VPS13B: variants seen among roughly 807,000 people sequenced by gnomAD.
VPS13B encodes the protein intermembrane lipid transfer protein VPS13B.
VPS13B carries 285 observed loss-of-function variants against 426.4 expected under a neutral mutation model. That is an observed-to-expected ratio of 0.67 (90% CI 0.61 to 0.74). VPS13B has a LOEUF of 0.74. Ranked by LOEUF, VPS13B falls within the 30% of genes least tolerant of loss-of-function variation. The pLI, the probability that VPS13B is intolerant of heterozygous loss-of-function variation, is 0.00. For synonymous variants in VPS13B, 1,676 were observed against 1,676.4 expected (o/e 1.00, Z 0.01); for missense variants, 4,537 against 4,782.6 (o/e 0.95, Z 1.51).
chr8:99,084,979 G>T (rs1037141448), intron 3 of VPS13B, among the ~76,000 whole-genome samples: 2 of 145,858 alleles, frequency 1.4e-5, no homozygotes, highest in African/African-American at 5.2e-5. Context: ...TCTGCTTGGT[G>T]CAGAGTTGAG....
chr8:99,431,271 T>A (rs1056485210), intron 21 of VPS13B, among the ~76,000 whole-genome samples: 7 of 152,226 alleles, frequency 4.6e-5, no homozygotes, highest in African/African-American at 7.2e-5. Context: ...AGAACGTTAC[T>A]ATCACTTCAC....
At chr8:99,346,472 A>G (rs2133199764) in intron 19 of VPS13B, 1 of 152,232 alleles carries the variant, frequency 6.6e-6, no homozygotes, top group Admixed American at 6.5e-5. Context: ...TGACAACATT[A>G]CCTAAGGAGT....
At chr8:99,302,170 C>T (rs181480279) in intron 19 of VPS13B, among the ~76,000 whole-genome samples, 3 of 152,318 alleles carry the variant, frequency 2.0e-5, no homozygotes, top group Non-Finnish European at 4.4e-5. Flanking sequence ...CTGGCCCTTA[C>T]TTGACTCCTC....
intron 19 of VPS13B, among the ~76,000 whole-genome samples, chr8:99,342,722 C>G (rs1811320813): frequency 6.6e-6 from 1 of 152,132 alleles, no homozygotes; most frequent in African/African-American, 2.4e-5. Flanking sequence ...GCAGATATCC[C>G]TTTGACATAT....
At chr8:99,394,788 A>G (rs1304775736) in intron 21 of VPS13B, among the ~76,000 whole-genome samples, 1 of 152,230 alleles carries the variant, frequency 6.6e-6, no homozygotes, top group African/African-American at 2.4e-5. Flanking sequence ...TCTCACGTCA[A>G]CATAATAAAT....
At chr8:99,260,993 C>T (rs1225264981) in intron 17 of VPS13B, among the ~76,000 whole-genome samples, 1 of 151,722 alleles carries the variant, frequency 6.6e-6, no homozygotes, top group African/African-American at 2.4e-5. Flanking sequence ...GTTCACAGTA[C>T]AATTGAGAAG....
At chr8:99,350,895 G>C (rs575118112) in intron 19 of VPS13B, among the ~76,000 whole-genome samples, 1 of 151,706 alleles carries the variant, frequency 6.6e-6, no homozygotes, top group Non-Finnish European at 1.5e-5. Context: ...TCAGGAGATT[G>C]TAATATGTAA....
intron 51 of VPS13B, among the ~76,000 whole-genome samples, chr8:99,831,068 G>GTTTTTTTTTTT (rs920493972): frequency 1.0e-5 from 1 of 98,168 alleles, no homozygotes; most frequent in Non-Finnish European, 2.2e-5. Context: ...GGGAATTGGT[G>GTTTTTTTTTTT]TTTTTTTCTT....
intron 16 of VPS13B, among the ~76,000 whole-genome samples, chr8:99,191,106 AT>A (rs1428573502): frequency 6.6e-6 from 1 of 151,550 alleles, no homozygotes; most frequent in Non-Finnish European, 1.5e-5. Flanking sequence ...CATTTCAGTC[AT>A]GGTATTCTGT....
chr8:99,733,797 T>A (rs943722916), intron 39 of VPS13B, among the ~76,000 whole-genome samples: 66 of 152,356 alleles, frequency 4.3e-4, no homozygotes, highest in African/African-American at 1.5e-3. Flanking sequence ...CATTTTTAAA[T>A]GCTACGTCAA....
At chr8:99,416,498 GC>G (rs1816014340) in intron 21 of VPS13B, among the ~76,000 whole-genome samples, 1 of 152,160 alleles carries the variant, frequency 6.6e-6, no homozygotes, top group South Asian at 2.1e-4. Context: ...CTCAGTGTCT[GC>G]CCAAATGGCC....
intron 30 of VPS13B, among the ~76,000 whole-genome samples, chr8:99,540,205 A>G (rs1251228396): frequency 1.4e-5 from 2 of 145,066 alleles, no homozygotes; most frequent in African/African-American, 2.6e-5. Flanking sequence ...TCAGCCTCCC[A>G]AGTAGCTGGG....
At chr8:99,015,507 C>T (rs1183115370) in intron 2 of VPS13B, among the ~76,000 whole-genome samples, 3 of 151,686 alleles carry the variant, frequency 2.0e-5, no homozygotes, top group African/African-American at 4.8e-5. Context: ...TGAGCCACCG[C>T]GCCTGGCCAA....
chr8:99,442,629 G>C lies in VPS13B; in HGVS notation c.3439G>C (p.Glu1147Gln). The C allele has an allele frequency of 6.2e-7, 1 of 1,613,626 alleles. No individual in the cohort carries two copies. The highest frequency in any genetic ancestry group is 2.2e-5 in the East Asian group (1 of 44,812). The stretch of plus-strand genomic sequence containing the variant: ...ATTTGTTATCCCACGACCCATCCTT[G>C]AAGAAGGTATATGTTAACATTTTTT... ...IPFVIPRPIL[E>Q]EGDAFPWTIS... Residue 1147 changes from glutamate to glutamine, a missense_variant, in exon 23 of 62, where the codon GAA becomes CAA. This residue lies in a region of VPS13B where 4,311 missense variants were observed against 4,474.3 expected (regional missense o/e 0.96). Coordinates refer to ENST00000357162, the MANE Select transcript of VPS13B (RefSeq NM_152564.5).
intron 15 of VPS13B, among the ~76,000 whole-genome samples, chr8:99,163,414 G>A (rs547046528): frequency 8.5e-4 from 129 of 152,350 alleles, no homozygotes; most frequent in South Asian, 2.5e-3. Flanking sequence ...CTCAGCCCTT[G>A]GGTGGTCGAT....
intron 31 of VPS13B, among the ~76,000 whole-genome samples, chr8:99,566,180 G>GGTGTAGATAT (rs1825171950): frequency 6.6e-6 from 1 of 152,030 alleles, no homozygotes; most frequent in Admixed American, 6.6e-5. Context: ...ACAGGGCAGA[G>GGTGTAGATAT]ATCCTGTCTT....
chr8:99,014,092 T>G (rs941216177), intron 2 of VPS13B, among the ~76,000 whole-genome samples, 157 bp downstream of exon 2: 1 of 150,520 alleles, frequency 6.6e-6, no homozygotes, highest in African/African-American at 2.4e-5. Flanking sequence ...TTTTACACTA[T>G]TTTCTTTTTC....
chr8:99,708,998 G>A (rs1184036504), intron 36 of VPS13B, among the ~76,000 whole-genome samples: 2 of 152,094 alleles, frequency 1.3e-5, no homozygotes, highest in East Asian at 3.9e-4. Flanking sequence ...GCACCCAAAT[G>A]CCATTTTTAT....
chr8:99,819,953 T>C lies in VPS13B; in HGVS notation c.8825T>C (p.Met2942Thr), dbSNP rs1305759367. Residue 2942 changes from methionine (M) to threonine (T), a missense_variant, in exon 49 of 62, where the codon ATG becomes ACG. Met to Thr is a moderately conservative substitution (Grantham distance 81). This residue lies in a region of VPS13B where 4,311 missense variants were observed against 4,474.3 expected (regional missense o/e 0.96). Coordinates refer to ENST00000357162, the MANE Select transcript of VPS13B (RefSeq NM_152564.5). ...NEQLSQWDSPMRVKLSIWKPY... is the reference protein window; with the variant it reads ...NEQLSQWDSPTRVKLSIWKPY... ...CAGCTAAGTCAGTGGGATAGCCCAA[T>C]GCGAGTGAAGCTGTCAATCTGGAAG... The C allele has an allele frequency of 2.0e-5, 33 of 1,613,902 alleles. No individual in the cohort carries two copies. The highest frequency in any genetic ancestry group is 2.6e-5 in the Non-Finnish European group (31 of 1,179,924).
Sources: allele counts gnomAD v4.1 joint callset (sites outside exome capture counted in the v4.1 genomes callset), GRCh38; gene constraint gnomAD v4.1.1; regional missense constraint gnomAD v4.1.1; transcripts MANE v1.5; gene names NCBI Gene and HGNC (gene_info 2026-07-23, HGNC 2026-07-21).